Variants in SIPA1L1 observed in about 807,000 individuals in gnomAD.
SIPA1L1 encodes signal induced proliferation associated 1 like 1.
Under a neutral mutation model 162.7 loss-of-function variants are expected in SIPA1L1, and 26 were observed. The observed-to-expected ratio is 0.16, with a 90% CI of 0.12 to 0.22. The LOEUF is 0.22. SIPA1L1 is among the 10% of genes least tolerant of loss of function. The pLI, the probability that SIPA1L1 is intolerant of heterozygous loss-of-function variation, is 1.00. For missense variants in SIPA1L1, 1,874 were observed against 2,241.0 expected (o/e 0.84, Z 3.31); for synonymous variants, 829 against 837.4 (o/e 0.99, Z 0.17).
chr14:71,469,285 G>A (rs1708230745), intron 2 of SIPA1L1, among the ~76,000 whole-genome samples: 1 of 152,124 alleles, frequency 6.6e-6, no homozygotes, highest in South Asian at 2.1e-4. Flanking sequence ...GTTATTATTC[G>A]GGGATGAGGT....
chr14:71,415,341 T>G (rs1214311569), intron 2 of SIPA1L1, among the ~76,000 whole-genome samples: 2 of 152,246 alleles, frequency 1.3e-5, no homozygotes, highest in African/African-American at 4.8e-5. Context: ...GTTCCCAGCA[T>G]CATTCTTCTT....
chr14:71,507,760 GTCT>G (rs1161202730), intron 2 of SIPA1L1, among the ~76,000 whole-genome samples: 1 of 151,826 alleles, frequency 6.6e-6, no homozygotes, highest in Non-Finnish European at 1.5e-5. Context: ...TGTGAACTCA[GTCT>G]TCTTTCATTT....
chr14:71,456,249 C>T (rs1012088459), intron 2 of SIPA1L1, among the ~76,000 whole-genome samples: 8 of 152,136 alleles, frequency 5.3e-5, no homozygotes, highest in African/African-American at 9.7e-5. Context: ...AGCAAAGAGA[C>T]GAGCAAATCA....
intron 2 of SIPA1L1, among the ~76,000 whole-genome samples, chr14:71,411,557 G>A (rs2042404376): frequency 6.6e-6 from 1 of 152,152 alleles, no homozygotes; most frequent in South Asian, 2.1e-4. Context: ...TAGAACTTAT[G>A]TTAGCCTCTT....
chr14:71,570,524 C>T (rs996079787), intron 4 of SIPA1L1, among the ~76,000 whole-genome samples: 76 of 152,178 alleles, frequency 5.0e-4, no homozygotes, highest in Non-Finnish European at 1.0e-3. Context: ...CTTGGCCTCT[C>T]AAAGAGCTGG....
intron 7 of SIPA1L1, among the ~76,000 whole-genome samples, chr14:71,639,642 G>A (rs1690681246): frequency 6.6e-6 from 1 of 152,216 alleles, no homozygotes; most frequent in South Asian, 2.1e-4. Flanking sequence ...AGGAATTAAT[G>A]TGGGAGAAGT....
chr14:71,403,332 G>T (rs1479771239), intron 2 of SIPA1L1, among the ~76,000 whole-genome samples: 2 of 152,066 alleles, frequency 1.3e-5, no homozygotes, highest in African/African-American at 4.8e-5. Context: ...TGGCGCGGTG[G>T]CTCACGCCTG....
At chr14:71,608,824 G>T (rs987525703) in intron 5 of SIPA1L1, among the ~76,000 whole-genome samples, 5 of 152,140 alleles carry the variant, frequency 3.3e-5, no homozygotes, top group African/African-American at 1.2e-4. Context: ...GAACCTGGGA[G>T]TTGGAGGTTG....
At chr14:71,439,660 G>T (rs955146174) in intron 2 of SIPA1L1, among the ~76,000 whole-genome samples, 2 of 152,212 alleles carry the variant, frequency 1.3e-5, no homozygotes, top group Non-Finnish European at 2.9e-5. Context: ...TGGTAGCACA[G>T]TCTTTTTTCC....
chr14:71,509,701 G>T (rs1005496662), intron 2 of SIPA1L1, among the ~76,000 whole-genome samples: 1 of 147,802 alleles, frequency 6.8e-6, no homozygotes, highest in Non-Finnish European at 1.5e-5. Context: ...CTGAGATCAC[G>T]CCATTGCACT....
At chr14:71,436,112 G>T (rs1012049539) in intron 2 of SIPA1L1, among the ~76,000 whole-genome samples, 1 of 152,008 alleles carries the variant, frequency 6.6e-6, no homozygotes, top group African/African-American at 2.4e-5. Flanking sequence ...ACTATCGTGT[G>T]CTTAAGAACA....
intron 5 of SIPA1L1, among the ~76,000 whole-genome samples, chr14:71,603,920 A>AAT (rs958703020): frequency 7.8e-5 from 11 of 141,334 alleles, no homozygotes; most frequent in African/African-American, 7.8e-5. Flanking sequence ...GATATATATA[A>AAT]ATATATATAT....
At chr14:71,664,154 A>C (rs543548097) in intron 10 of SIPA1L1, among the ~76,000 whole-genome samples, 2 of 152,142 alleles carry the variant, frequency 1.3e-5, no homozygotes, top group Non-Finnish European at 2.9e-5. Context: ...TAAATGTATT[A>C]TGAGGTAGAA....
At chr14:71,730,915 C>T (rs865938950) in intron 20 of SIPA1L1, among the ~76,000 whole-genome samples, 2 of 152,160 alleles carry the variant, frequency 1.3e-5, no homozygotes, top group African/African-American at 4.8e-5. Context: ...TTCTGGCACT[C>T]GGGATTTAAA....
intron 2 of SIPA1L1, among the ~76,000 whole-genome samples, chr14:71,497,262 C>G (rs1170627640): frequency 6.6e-6 from 1 of 152,110 alleles, no homozygotes; most frequent in East Asian, 1.9e-4. Context: ...CCAGGCTGGT[C>G]TTGAACTCCT....
intron 2 of SIPA1L1, among the ~76,000 whole-genome samples, chr14:71,332,091 G>A (rs781532606): frequency 2.2e-4 from 34 of 152,206 alleles, no homozygotes; most frequent in Non-Finnish European, 4.4e-5. Flanking sequence ...ATGCTTGTAT[G>A]TAGTAGGCCT....
chr14:71,439,512 C>T (rs994112513), intron 2 of SIPA1L1, among the ~76,000 whole-genome samples: 1 of 152,166 alleles, frequency 6.6e-6, no homozygotes, highest in African/African-American at 2.4e-5. Flanking sequence ...TAACTTAAAA[C>T]CCTCTACCAT....
intron 5 of SIPA1L1, among the ~76,000 whole-genome samples, chr14:71,596,805 C>G (rs1034053948): frequency 9.2e-5 from 14 of 152,098 alleles, no homozygotes; most frequent in African/African-American, 2.2e-4. Context: ...AACCCCTGGA[C>G]TTATCTTCCC....
intron 5 of SIPA1L1, among the ~76,000 whole-genome samples, chr14:71,592,140 T>G (rs377399840): frequency 2.0e-5 from 3 of 152,118 alleles, no homozygotes; most frequent in East Asian, 1.9e-4. Context: ...GCAGGGAAAT[T>G]ATGAGCAGTG....
Sources: gnomAD v4.1 joint callset for allele counts (sites outside exome capture counted in the v4.1 genomes callset) on GRCh38, gnomAD v4.1.1 for gene constraint, MANE v1.5 for transcripts, NCBI Gene and HGNC (gene_info 2026-07-23, HGNC 2026-07-21) for gene names.